Variants in GCKR observed in about 807,000 individuals in gnomAD.
The protein encoded by GCKR is glucokinase regulator.
GCKR carries 73 observed loss-of-function variants against 82.9 expected under a neutral mutation model. The ratio of observed to expected loss-of-function variants is 0.88; its 90% CI spans 0.73 to 1.07. The LOEUF is 1.07. Ranked by LOEUF, GCKR falls within the 50% of genes least tolerant of loss-of-function variation. GCKR has a pLI of 0.00. For missense variants in GCKR, 784 were observed against 782.1 expected, an observed-to-expected ratio of 1.00 and a Z score of -0.03; for synonymous variants, 294 against 291.8, an observed-to-expected ratio of 1.01 and a Z score of -0.08.
intron 3 of GCKR, among the ~76,000 whole-genome samples, chr2:27,497,910 T>G (rs2148578224): frequency 6.6e-6 from 1 of 152,342 alleles, no homozygotes; most frequent in South Asian, 2.1e-4. Context: ...AAACAAAGAT[T>G]TAGAAAGGAT....
At chr2:27,516,770 T>C (rs1449752543) in intron 16 of GCKR, among the ~76,000 whole-genome samples, 1 of 152,178 alleles carries the variant, frequency 6.6e-6, no homozygotes. Context: ...TTGACCTCTC[T>C]CCCAAAGTGC....
At chr2:27,515,878 C>T (rs1669993240) in intron 16 of GCKR, among the ~76,000 whole-genome samples, 2 of 150,898 alleles carry the variant, frequency 1.3e-5, no homozygotes, top group African/African-American at 4.9e-5. Flanking sequence ...ATCATCCCAC[C>T]TCAGCCTCCC....
At chr2:27,515,745 G>GTATATATATATATA (rs528066615) in intron 16 of GCKR, among the ~76,000 whole-genome samples, 6 of 129,464 alleles carry the variant, frequency 4.6e-5, no homozygotes, top group African/African-American at 1.5e-4. Context: ...CCAATTGTTC[G>GTATATATATATATA]TATATATATA....
intron 16 of GCKR, chr2:27,509,498 A>C: frequency 2.3e-6 from 1 of 440,978 alleles, no homozygotes; most frequent in Non-Finnish European, 4.6e-6. Context: ...CACCACCATG[A>C]CTGGCTAATT....
At chr2:27,513,245 T>C (rs1669931211) in intron 16 of GCKR, among the ~76,000 whole-genome samples, 1 of 152,124 alleles carries the variant, frequency 6.6e-6, no homozygotes, top group Non-Finnish European at 1.5e-5. Context: ...AGAAAATCTC[T>C]CTCATCCAGG....
In GCKR at chr2:27,503,507, A is replaced by G; in HGVS notation, c.645-7A>G. On this transcript the variant is annotated splice_polypyrimidine_tract_variant and splice_region_variant and intron_variant, in intron 8 of 18. Coordinates refer to ENST00000264717, the MANE Select transcript of GCKR (RefSeq NM_001486.4). ...ATCTCCCCACCTTGTGTCTCTCTGGACCTCAGAAATGACCCCATTGAAGAC... is the reference window on the plus strand; with the variant it reads ...ATCTCCCCACCTTGTGTCTCTCTGGGCCTCAGAAATGACCCCATTGAAGAC... The G allele has an allele frequency of 6.8e-7, 1 of 1,469,248 alleles. No homozygotes were observed. The highest frequency in any genetic ancestry group is 9.5e-7 in the Non-Finnish European group (1 of 1,047,626). The allele number at this position is 1,469,248 out of a possible 1,614,324, so 91.0% of individuals were successfully genotyped here. A position where few individuals can be genotyped will look rare whatever the true frequency, so the allele number is the denominator to read the frequency against.
intron 14 of GCKR, 88 bp downstream of exon 14, chr2:27,507,865 C>A: frequency 8.8e-7 from 1 of 1,132,776 alleles, no homozygotes; most frequent in Non-Finnish European, 1.3e-6. Context: ...TCTTAGGGTA[C>A]CTGCTCAGAG....
intron 16 of GCKR, among the ~76,000 whole-genome samples, chr2:27,518,026 A>G (rs1279979519): frequency 6.6e-6 from 1 of 152,186 alleles, no homozygotes; most frequent in Non-Finnish European, 1.5e-5. Flanking sequence ...GAAAAATTAA[A>G]TAGAATTCAT....
chr2:27,518,062 CT>C (rs540685522), intron 16 of GCKR, among the ~76,000 whole-genome samples: 65 of 151,824 alleles, frequency 4.3e-4, no homozygotes, highest in Non-Finnish European at 7.8e-4. Context: ...TTTTTTTCCC[CT>C]GAGACATAGT....
At chr2:27,513,482 C>A (rs144092851) in intron 16 of GCKR, among the ~76,000 whole-genome samples, 2 of 149,244 alleles carry the variant, frequency 1.3e-5, no homozygotes, top group Non-Finnish European at 3.0e-5. Context: ...GAGCTGAGAT[C>A]GTGCCATTGC....
At chr2:27,512,248 A>AC (rs1166258909) in intron 16 of GCKR, among the ~76,000 whole-genome samples, 1 of 149,960 alleles carries the variant, frequency 6.7e-6, no homozygotes, top group Non-Finnish European at 1.5e-5. Context: ...AAAAAAAAAA[A>AC]AAAAAAAAGC....
rs1318242425 is a variant in GCKR at position 27,499,128 on chromosome 2, G to C, written c.429-14G>C. ...TTCCAGCCACTGCCACTGACCTTGA[G>C]TCTGTCCTCTTAGGTCTGTGGTGGC... On this transcript the variant is annotated splice_polypyrimidine_tract_variant and intron_variant, in intron 5 of 18. Transcript: ENST00000264717. 20 of 1,563,050 alleles carry C rather than the reference G, an allele frequency of 1.3e-5. No individual in the cohort carries two copies. Among genetic ancestry groups the C allele is most frequent in the Non-Finnish European group, 1.7e-5 (19 of 1,133,404 alleles).
chr2:27,523,500 A>G lies in GCKR; in HGVS notation c.*61A>G, dbSNP rs1670202059. 1 of 1,537,244 alleles carries G rather than the reference A, an allele frequency of 6.5e-7. No homozygotes were observed. Among genetic ancestry groups the G allele is most frequent in the South Asian group, 1.1e-5 (1 of 89,676 alleles). The stretch of plus-strand genomic sequence containing the variant: ...CTGCCCACTTCAGCCCAGCCCGCCC[A>G]AGGGGACTTGTGCCAGCAGAACATG... On this transcript the variant is annotated 3_prime_UTR_variant, in exon 19 of 19. Coordinates refer to ENST00000264717, the MANE Select transcript of GCKR (RefSeq NM_001486.4).
chr2:27,498,305 G>C lies in GCKR; in HGVS notation c.336G>C (p.Arg112=). The change falls in exon 4 of 19, where the codon CGG becomes CGC. Residue 112 remains arginine, a synonymous_variant. Transcript: ENST00000264717. The part of the protein sequence containing the change: ...VVLSGGGTSG[R]MAFLMSVSFN... The stretch of plus-strand genomic sequence containing the variant: ...TGAGTGGAGGGGGCACCTCTGGCCG[G>C]ATGGCATTCCTCATGTCGGTGAGCA... 4 of 1,613,544 alleles carry C rather than the reference G, an allele frequency of 2.5e-6. No homozygotes were observed. The highest frequency in any genetic ancestry group is 2.5e-6 in the Non-Finnish European group (3 of 1,179,492).
Position 27,501,151 on chromosome 2 carries a change from G to T in GCKR, c.566G>T (p.Gly189Val), listed in dbSNP as rs1558434378. Residue 189 changes from glycine to valine, a missense_variant, in exon 8 of 19, where the codon GGC becomes GTC. Gly to Val is a moderately radical substitution (Grantham distance 109, BLOSUM62 -3). Coordinates refer to ENST00000264717, the MANE Select transcript of GCKR (RefSeq NM_001486.4). ...CACCATCAGGCTCCCTTTGTGGCAG[G>T]CCAGATGGACTGCTGCATGAACAAC... The part of the protein sequence containing the change: ...SVGLSAPFVA[G>V]QMDCCMNNTA... 3.7e-6 allele frequency: 6 copies of T among 1,613,350 alleles called. No individual in the cohort carries two copies. The highest frequency in any genetic ancestry group is 2.2e-5 in the South Asian group (2 of 91,066).
At chr2:27,516,026 C>T (rs1184945135) in intron 16 of GCKR, among the ~76,000 whole-genome samples, 3 of 149,656 alleles carry the variant, frequency 2.0e-5, no homozygotes, top group African/African-American at 7.4e-5. Flanking sequence ...ATCCTCCTGT[C>T]CCAGCCTCCC....
Position 27,507,770 on chromosome 2 carries a change from CCTGG to C in GCKR, c.1234_1237del (p.Leu412MetfsTer10). ...TCGATACTGTGGTCTTCATTTTCAC[CCTGG>C]ATGGTGAGAGGGAAGATGGGAGTGG... On this transcript the variant is annotated frameshift_variant, in exon 14 of 19. Coordinates refer to ENST00000264717, the MANE Select transcript of GCKR (RefSeq NM_001486.4). LOFTEE classifies it high-confidence loss of function. 6.4e-7 allele frequency: 1 copy of C among 1,572,142 alleles called. No homozygotes were observed. The highest frequency in any genetic ancestry group is 8.8e-7 in the Non-Finnish European group (1 of 1,141,872).
intron 16 of GCKR, among the ~76,000 whole-genome samples, chr2:27,515,255 C>T (rs775046235): frequency 7.0e-4 from 105 of 149,578 alleles, no homozygotes; most frequent in Admixed American, 1.3e-3. Flanking sequence ...TGATTACAGG[C>T]GTGAGCCACC....
At chr2:27,508,319 A>G in intron 16 of GCKR, 68 bp downstream of exon 16, 1 of 1,086,996 alleles carries the variant, frequency 9.2e-7, no homozygotes, top group Non-Finnish European at 1.4e-6. Flanking sequence ...AAGAATCAAA[A>G]AACCCAAGGC....
Sources: allele counts gnomAD v4.1 joint callset (sites outside exome capture counted in the v4.1 genomes callset), GRCh38; gene constraint gnomAD v4.1.1; transcripts MANE v1.5; gene names NCBI Gene and HGNC (gene_info 2026-07-23, HGNC 2026-07-21).